The following SNCAIP variants were observed in gnomAD, a reference collection of about 807,000 sequenced individuals.
The protein encoded by SNCAIP is synuclein alpha interacting protein.
A neutral mutation model predicts 86.7 loss-of-function variants in SNCAIP; 43 were observed. That is an observed-to-expected ratio of 0.50 (90% CI 0.39 to 0.64). The LOEUF is 0.64. SNCAIP is among the 30% of genes least tolerant of loss of function. The pLI is 0.00. For synonymous variants in SNCAIP, 417 were observed against 427.2 expected (o/e 0.98, Z 0.29); for missense variants, 981 against 1,103.1 (o/e 0.89, Z 1.57).
intron 8 of SNCAIP, among the ~76,000 whole-genome samples, chr5:122,446,915 G>A (rs1166348681): frequency 6.6e-6 from 1 of 152,184 alleles, no homozygotes; most frequent in African/African-American, 2.4e-5. Flanking sequence ...CTACTGAAGT[G>A]CTAATCAACA....
At chr5:122,330,746 T>G (rs946005198) in intron 1 of SNCAIP, among the ~76,000 whole-genome samples, 21 of 152,054 alleles carry the variant, frequency 1.4e-4, no homozygotes, top group Non-Finnish European at 1.5e-5. Flanking sequence ...TTTTCCATAG[T>G]TGGGGGAGGG....
chr5:122,420,238 C>T (rs145826080), intron 3 of SNCAIP, among the ~76,000 whole-genome samples: 16 of 152,192 alleles, frequency 1.1e-4, no homozygotes, highest in Non-Finnish European at 2.1e-4. Context: ...AAGACCCAGA[C>T]AGAATTCATT....
chr5:122,337,884 C>A (rs981673658), intron 1 of SNCAIP, among the ~76,000 whole-genome samples: 2 of 152,180 alleles, frequency 1.3e-5, no homozygotes, highest in Admixed American at 6.5e-5. Flanking sequence ...AGAAAAGGTT[C>A]TCTTGTTACC....
chr5:122,462,346 C>T (rs1295869750), intron 10 of SNCAIP, among the ~76,000 whole-genome samples: 2 of 152,142 alleles, frequency 1.3e-5, no homozygotes, highest in Non-Finnish European at 2.9e-5. Flanking sequence ...ATCCTCTCCT[C>T]CCATTTCCCT....
chr5:122,358,304 C>A (rs1208162332), intron 1 of SNCAIP, among the ~76,000 whole-genome samples: 2 of 150,782 alleles, frequency 1.3e-5, no homozygotes, highest in African/African-American at 2.4e-5. Context: ...GTGCTGCACC[C>A]ATTAACTCGT....
intron 1 of SNCAIP, among the ~76,000 whole-genome samples, chr5:122,331,263 A>G (rs567151079): frequency 9.2e-5 from 14 of 152,266 alleles, no homozygotes; most frequent in African/African-American, 2.2e-4. Flanking sequence ...GTCCCTAGTT[A>G]ATTCCTGTGT....
intron 1 of SNCAIP, among the ~76,000 whole-genome samples, chr5:122,331,360 C>G (rs1313747100): frequency 1.3e-5 from 2 of 152,158 alleles, no homozygotes; most frequent in East Asian, 1.9e-4. Context: ...TAGTCAAACA[C>G]CTTAACAGAA....
chr5:122,352,996 A>T (rs1269050016), intron 1 of SNCAIP, among the ~76,000 whole-genome samples: 25 of 152,344 alleles, frequency 1.6e-4, no homozygotes, highest in Non-Finnish European at 2.2e-4. Context: ...TGATACACGT[A>T]CATACAAAGA....
At chr5:122,396,419 G>T (rs1208769084) in intron 2 of SNCAIP, among the ~76,000 whole-genome samples, 1 of 152,158 alleles carries the variant, frequency 6.6e-6, no homozygotes, top group Admixed American at 6.5e-5. Flanking sequence ...AGAAGAATGA[G>T]CAACCGCTGG....
At chr5:122,390,483 CAG>C (rs1490971041) in intron 1 of SNCAIP, among the ~76,000 whole-genome samples, 1 of 152,178 alleles carries the variant, frequency 6.6e-6, no homozygotes, top group Non-Finnish European at 1.5e-5. Context: ...CTGTTTGAGG[CAG>C]AGGGCAGTGC....
intron 1 of SNCAIP, among the ~76,000 whole-genome samples, chr5:122,329,830 A>G (rs2152692727): frequency 6.6e-6 from 1 of 152,282 alleles, no homozygotes; most frequent in East Asian, 1.9e-4. Context: ...TCTTAGAATT[A>G]CTCTCATCAA....
intron 10 of SNCAIP, among the ~76,000 whole-genome samples, chr5:122,453,329 T>C (rs1784092941): frequency 6.6e-6 from 1 of 152,230 alleles, no homozygotes; most frequent in Non-Finnish European, 1.5e-5. Context: ...AAATTTCCTG[T>C]CATGGTGGAG....
At chr5:122,401,499 G>C (rs1374353834) in intron 2 of SNCAIP, among the ~76,000 whole-genome samples, 1 of 152,146 alleles carries the variant, frequency 6.6e-6, no homozygotes, top group Non-Finnish European at 1.5e-5. Flanking sequence ...TAGAGTCATT[G>C]CTGAATTTGA....
intron 1 of SNCAIP, among the ~76,000 whole-genome samples, chr5:122,367,057 T>G (rs1390232359): frequency 6.6e-6 from 1 of 152,090 alleles, no homozygotes. Context: ...GATCCAGGGA[T>G]GGTACCCAAG....
intron 10 of SNCAIP, among the ~76,000 whole-genome samples, chr5:122,458,065 A>T (rs1373666716): frequency 6.6e-6 from 1 of 152,240 alleles, no homozygotes; most frequent in African/African-American, 2.4e-5. Flanking sequence ...AGGAGAAAGC[A>T]GATTGCACCA....
intron 1 of SNCAIP, 44 bp from the exon 2 acceptor site, chr5:122,391,045 G>A (rs976450520): frequency 1.3e-5 from 13 of 1,029,502 alleles, no homozygotes; most frequent in Admixed American, 5.1e-5. Context: ...GTTGTAAAAC[G>A]GCTAAATTTT....
chr5:122,410,318 C>A (rs1487691630), intron 3 of SNCAIP, among the ~76,000 whole-genome samples: 1 of 152,114 alleles, frequency 6.6e-6, no homozygotes, highest in African/African-American at 2.4e-5. Flanking sequence ...CCAGAATGTG[C>A]ATAGCTGTCA....
chr5:122,429,765 G>A (rs1313529525), intron 5 of SNCAIP, among the ~76,000 whole-genome samples: 2 of 152,170 alleles, frequency 1.3e-5, no homozygotes, highest in African/African-American at 4.8e-5. Context: ...GTAAAGGAAA[G>A]TGCAGTACCC....
chr5:122,319,376 A>C (rs1446430061), intron 1 of SNCAIP, among the ~76,000 whole-genome samples: 1 of 152,204 alleles, frequency 6.6e-6, no homozygotes, highest in Non-Finnish European at 1.5e-5. Context: ...GTCTTATGGA[A>C]GGAAGTTGTA....
Sources: allele counts gnomAD v4.1 joint callset (sites outside exome capture counted in the v4.1 genomes callset), GRCh38; gene constraint gnomAD v4.1.1; transcripts MANE v1.5; gene names NCBI Gene and HGNC (gene_info 2026-07-23, HGNC 2026-07-21).